Variants in GMDS observed in about 807,000 individuals in gnomAD.
GMDS encodes GDP-mannose 4,6-dehydratase, also known as GDP-mannose 4,6 dehydratase.
In GMDS, 20 loss-of-function variants were observed where a neutral mutation model predicts 49.9. That is an observed-to-expected ratio of 0.40 (90% CI 0.28 to 0.58). GMDS has a LOEUF of 0.58. Ranked by LOEUF, GMDS falls within the 20% of genes least tolerant of loss-of-function variation. GMDS has a pLI of 0.42. For synonymous variants in GMDS, 177 were observed against 178.6 expected, an observed-to-expected ratio of 0.99 and a Z score of 0.07; for missense variants, 362 against 481.4, an observed-to-expected ratio of 0.75 and a Z score of 2.32.
intron 9 of GMDS, among the ~76,000 whole-genome samples, chr6:1,658,999 A>G (rs1277772201): frequency 6.6e-6 from 1 of 152,204 alleles, no homozygotes; most frequent in Non-Finnish European, 1.5e-5. Flanking sequence ...AAAAAACCCA[A>G]AACAACTTTC....
At chr6:2,219,089 C>T (rs1581813677) in intron 1 of GMDS, among the ~76,000 whole-genome samples, 1 of 152,084 alleles carries the variant, frequency 6.6e-6, no homozygotes, top group Middle Eastern at 3.4e-3. Flanking sequence ...AGAGCAAGAC[C>T]CTGTGTGAAA....
At chr6:1,735,413 G>C (rs1429585974) in intron 8 of GMDS, among the ~76,000 whole-genome samples, 4 of 152,250 alleles carry the variant, frequency 2.6e-5, no homozygotes, top group African/African-American at 9.6e-5. Flanking sequence ...CAGAGAGCCA[G>C]GGTGCTGTCA....
intron 4 of GMDS, among the ~76,000 whole-genome samples, chr6:1,990,331 G>A (rs536703858): frequency 2.0e-5 from 3 of 151,958 alleles, no homozygotes; most frequent in African/African-American, 4.8e-5. Flanking sequence ...GTTAGCCAGC[G>A]CCACCACCAC....
intron 7 of GMDS, among the ~76,000 whole-genome samples, chr6:1,779,403 G>A (rs1768982565): frequency 6.6e-6 from 1 of 152,170 alleles, no homozygotes; most frequent in Non-Finnish European, 1.5e-5. Context: ...TTAACAGCCT[G>A]GGACTCTACC....
At position 2,188,807 on chromosome 6, in the gene GMDS, G is replaced by T. The variant is rs189927256; in HGVS notation, c.102+56514C>A. 2.1e-3 allele frequency among the ~76,000 whole-genome samples: 323 copies of T among 152,330 alleles called. 2 individuals carry two copies. Among genetic ancestry groups the T allele is most frequent in the African/African-American group, 7.5e-3 (313 of 41,570 alleles). On this transcript the variant is annotated intron_variant, in intron 1 of 10. Transcript: ENST00000380815. The stretch of plus-strand genomic sequence containing the variant: ...GCATGAAATTTGAGCTGGGTTATAA[G>T]GAATGGTGGGAGAGCCACAGGTGAG...
At chr6:1,967,403 CAACACAAA>C (rs1216817477) in intron 4 of GMDS, among the ~76,000 whole-genome samples, 6 of 151,968 alleles carry the variant, frequency 3.9e-5, no homozygotes, top group South Asian at 4.2e-4. Context: ...ATACAAACAT[CAACACAAA>C]AACACAAAAA....
At chr6:2,220,777 A>G (rs1276937521) in intron 1 of GMDS, among the ~76,000 whole-genome samples, 1 of 152,208 alleles carries the variant, frequency 6.6e-6, no homozygotes, top group African/African-American at 2.4e-5. Context: ...CGGAAAAAAA[A>G]AAAATCTGAA....
chr6:1,900,194 C>G (rs1760428927), intron 7 of GMDS, among the ~76,000 whole-genome samples: 1 of 152,134 alleles, frequency 6.6e-6, no homozygotes, highest in Admixed American at 6.5e-5. Context: ...CGGGGAGAAA[C>G]TAGGGTTGTG....
At chr6:2,061,758 C>T (rs1007830094) in intron 4 of GMDS, among the ~76,000 whole-genome samples, 24 of 147,846 alleles carry the variant, frequency 1.6e-4, no homozygotes, top group African/African-American at 6.0e-4. Context: ...AAGTGGTTAC[C>T]AACCCTCATT....
Position 1,766,317 on chromosome 6 carries a change from T to G in GMDS, c.772-23731A>C, listed in dbSNP as rs1050995627. On this transcript the variant is annotated intron_variant, in intron 7 of 10. Transcript: ENST00000380815. This position sits in a 1 kb window ranked among gnomAD's most constrained non-coding sequence, Gnocchi z 4.5. ...GAACTTTCGAGGCAGCAGATTCATT[T>G]GGGCTTCAGGAAACGCGGTGCATGA... Among the ~76,000 whole-genome samples, 1 of 152,168 alleles carries G rather than the reference T, an allele frequency of 6.6e-6. No homozygotes were observed. The highest frequency in any genetic ancestry group is 2.4e-5 in the African/African-American group (1 of 41,436).
At chr6:2,088,359 T>C (rs1355028626) in intron 4 of GMDS, among the ~76,000 whole-genome samples, 1 of 152,152 alleles carries the variant, frequency 6.6e-6, no homozygotes, top group Non-Finnish European at 1.5e-5. Context: ...ATGGTAATAA[T>C]AGGAATCTGC....
Position 1,640,379 on chromosome 6 carries a change from T to A in GMDS, c.988-15839A>T, listed in dbSNP as rs1209259305. ...GGCTTGGTGTCCTCATCCTCAGGCATGCCACACCTGCAGGTGTGTTATGCA... is the reference window on the plus strand; with the variant it reads ...GGCTTGGTGTCCTCATCCTCAGGCAAGCCACACCTGCAGGTGTGTTATGCA... On this transcript the variant is annotated intron_variant, in intron 9 of 10. Transcript: ENST00000380815. This position sits in a 1 kb window ranked among gnomAD's most constrained non-coding sequence, Gnocchi z 4.0. Among the ~76,000 whole-genome samples the A allele has an allele frequency of 2.0e-5, 3 of 152,174 alleles. No individual in the cohort carries two copies. The highest frequency in any genetic ancestry group is 6.5e-5 in the Admixed American group (1 of 15,292).
At chr6:2,183,288 G>A (rs1778637803) in intron 1 of GMDS, among the ~76,000 whole-genome samples, 1 of 152,140 alleles carries the variant, frequency 6.6e-6, no homozygotes, top group Non-Finnish European at 1.5e-5. Flanking sequence ...TCATGGAAAA[G>A]GGTCAAAATA....
At chr6:2,026,185 A>G (rs1768588863) in intron 4 of GMDS, among the ~76,000 whole-genome samples, 1 of 152,192 alleles carries the variant, frequency 6.6e-6, no homozygotes, top group Admixed American at 6.5e-5. Context: ...GTCCTAGGCC[A>G]GAGACCCCCT....
chr6:1,917,435 C>T (rs544956843), intron 7 of GMDS, among the ~76,000 whole-genome samples: 1 of 152,300 alleles, frequency 6.6e-6, no homozygotes, highest in East Asian at 1.9e-4. Context: ...CTCTCCTAAC[C>T]ATGGTCAAAT....
chr6:2,075,454 G>A (rs1772277447), intron 4 of GMDS, among the ~76,000 whole-genome samples: 1 of 152,124 alleles, frequency 6.6e-6, no homozygotes, highest in South Asian at 2.1e-4. Context: ...TCCTCTTCCT[G>A]TGTCCAAGTG....
intron 4 of GMDS, among the ~76,000 whole-genome samples, chr6:2,036,800 T>C (rs1304849517): frequency 6.6e-6 from 1 of 152,212 alleles, no homozygotes; most frequent in African/African-American, 2.4e-5. Flanking sequence ...TCAGAGCCTA[T>C]GGCATGCTGA....
intron 9 of GMDS, among the ~76,000 whole-genome samples, chr6:1,641,841 G>C (rs1402441113): frequency 6.6e-6 from 1 of 152,080 alleles, no homozygotes; most frequent in African/African-American, 2.4e-5. Flanking sequence ...GTCTGCCCTG[G>C]GGCTCCCCCA....
At chr6:1,937,511 A>T (rs1265624051) in intron 6 of GMDS, among the ~76,000 whole-genome samples, 2 of 152,204 alleles carry the variant, frequency 1.3e-5, no homozygotes, top group Non-Finnish European at 2.9e-5. Flanking sequence ...GGAGGCTTGA[A>T]GGTTAATATC....
Sources: gnomAD v4.1 joint callset for allele counts (sites outside exome capture counted in the v4.1 genomes callset) on GRCh38, gnomAD v4.1.1 for gene constraint, Gnocchi (gnomAD v3.1) non-coding constraint, MANE v1.5 for transcripts, NCBI Gene and HGNC (gene_info 2026-07-23, HGNC 2026-07-21) for gene names.